MMP16: variants seen among roughly 807,000 people sequenced by gnomAD.
MMP16 encodes the protein matrix metalloproteinase-16.
Under a neutral mutation model 67.8 loss-of-function variants are expected in MMP16, and 12 were observed. The observed-to-expected ratio is 0.18, with a 90% CI of 0.11 to 0.29. The LOEUF is 0.29. MMP16 is among the 10% of genes least tolerant of loss of function. The probability of loss-of-function intolerance (pLI) is 1.00; values close to 1 mark genes in which losing one functional copy is unlikely to be tolerated. For synonymous variants in MMP16, 249 were observed against 255.9 expected (o/e 0.97, Z 0.26); for missense variants, 475 against 765.7 (o/e 0.62, Z 4.48).
At chr8:88,194,088 C>G (rs78861850) in intron 2 of MMP16, among the ~76,000 whole-genome samples, 1 of 151,984 alleles carries the variant, frequency 6.6e-6, no homozygotes, top group East Asian at 1.9e-4. Flanking sequence ...TATTATATGA[C>G]ATTTAAGGTA....
chr8:88,250,519 G>A (rs1338032442), intron 1 of MMP16, among the ~76,000 whole-genome samples: 1 of 151,910 alleles, frequency 6.6e-6, no homozygotes, highest in Non-Finnish European at 1.5e-5. Context: ...ACTATTCTTT[G>A]AGAAAGCATA....
intron 2 of MMP16, among the ~76,000 whole-genome samples, chr8:88,196,482 T>C (rs1222474446): frequency 1.3e-5 from 2 of 152,178 alleles, no homozygotes; most frequent in Non-Finnish European, 2.9e-5. Flanking sequence ...GTACATGCTT[T>C]ATCTTTCACA....
At chr8:88,226,737 G>A (rs1048088905) in intron 1 of MMP16, among the ~76,000 whole-genome samples, 5 of 151,962 alleles carry the variant, frequency 3.3e-5, no homozygotes, top group South Asian at 2.1e-4. Context: ...AGGCATGTCC[G>A]AGAGTGCTGA....
rs1223047187 is a variant in MMP16, at chr8:88,038,631, A to AT, written c.*2829dup. 6.6e-6 allele frequency: 1 copy of AT among 152,566 alleles called. No individual in the cohort carries two copies. Among genetic ancestry groups the AT allele is most frequent in the Non-Finnish European group, 1.5e-5 (1 of 67,936 alleles). 9.5% of individuals were successfully genotyped at this position (152,566 alleles called of 1,614,324 possible). On this transcript the variant is annotated 3_prime_UTR_variant, in exon 10 of 10. Transcript: ENST00000286614. The surrounding 1 kb of genome is among the most constrained non-coding windows in gnomAD (Gnocchi z 4.1). Reference sequence around the variant, plus strand: ...CTTTAGCAAAATATAGTTTCCAGTTATTTTTTTCTTGACATCAAGGCCCTA... The same window carrying AT: ...CTTTAGCAAAATATAGTTTCCAGTTATTTTTTTTCTTGACATCAAGGCCCTA...
intron 9 of MMP16, among the ~76,000 whole-genome samples, chr8:88,042,103 T>C (rs1485884168): frequency 1.3e-5 from 2 of 152,162 alleles, no homozygotes; most frequent in African/African-American, 4.8e-5. Flanking sequence ...GAGAACCTTA[T>C]CTTTTTGCTC....
intron 4 of MMP16, among the ~76,000 whole-genome samples, chr8:88,120,940 C>G (rs1807819705): frequency 6.6e-6 from 1 of 151,942 alleles, no homozygotes; most frequent in Non-Finnish European, 1.5e-5. Flanking sequence ...TTCCTAAACA[C>G]ATAGGAAGTC....
At chr8:88,197,772 G>A (rs1004214862) in intron 1 of MMP16, among the ~76,000 whole-genome samples, 6 of 152,252 alleles carry the variant, frequency 3.9e-5, no homozygotes, top group Middle Eastern at 3.4e-3. Context: ...CAGCTATGAC[G>A]TGTAGCATCT....
At chr8:88,323,452 C>A (rs539555007) in intron 1 of MMP16, among the ~76,000 whole-genome samples, 1 of 152,044 alleles carries the variant, frequency 6.6e-6, no homozygotes, top group East Asian at 1.9e-4. Context: ...CATAAAAGAC[C>A]CCTTTGAAAT....
In MMP16 at chr8:88,033,581, T is replaced by C. The variant is rs1449856557; in HGVS notation, c.*7880A>G. On this transcript the variant is annotated 3_prime_UTR_variant, in exon 10 of 10. Transcript: ENST00000286614. ...TTAAAAAGTTAAGTTTATTAAAAGT[T>C]ATATTAGCGCAAAATTGAACTAGTA... The C allele has an allele frequency of 6.6e-6, 1 of 151,986 alleles. No homozygotes were observed. The highest frequency in any genetic ancestry group is 1.5e-5 in the Non-Finnish European group (1 of 67,952). 9.4% of individuals were successfully genotyped at this position (151,986 alleles called of 1,614,324 possible).
Position 88,041,220 on chromosome 8 carries a change from A to C in MMP16, c.*241T>G, listed in dbSNP as rs1261476250. The C allele has an allele frequency of 6.3e-6, 3 of 476,228 alleles. No homozygotes were observed. Among genetic ancestry groups the C allele is most frequent in the Non-Finnish European group, 1.1e-5 (3 of 267,042 alleles). The allele number at this position is 476,228 out of a possible 1,614,324, so 29.5% of individuals were successfully genotyped here. ...TGAGCGTGCAGAGGAAAGGCCTAGA[A>C]CTGAATGACAAAGAAAGACAAAGGA... On this transcript the variant is annotated 3_prime_UTR_variant, in exon 10 of 10. Coordinates refer to ENST00000286614, the MANE Select transcript of MMP16 (RefSeq NM_005941.5). The surrounding 1 kb of genome is among the most constrained non-coding windows in gnomAD (Gnocchi z 6.0).
At chr8:88,075,133 C>A (rs1563524359) in intron 6 of MMP16, among the ~76,000 whole-genome samples, 1 of 152,086 alleles carries the variant, frequency 6.6e-6, no homozygotes, top group Non-Finnish European at 1.5e-5. Context: ...AAAATCTCCA[C>A]ACCTACCATG....
At chr8:88,167,623 AAAT>A (rs1253478690) in intron 4 of MMP16, 43 bp downstream of exon 4, 22 of 1,488,880 alleles carry the variant, frequency 1.5e-5, no homozygotes, top group Non-Finnish European at 1.9e-5. Context: ...GGTTATTCTG[AAAT>A]AATAATAGAA....
intron 6 of MMP16, among the ~76,000 whole-genome samples, chr8:88,102,803 T>C (rs777216225): frequency 1.3e-5 from 2 of 151,870 alleles, no homozygotes; most frequent in Non-Finnish European, 2.9e-5. Flanking sequence ...ATATATATTT[T>C]ATAATACCAT....
intron 8 of MMP16, among the ~76,000 whole-genome samples, chr8:88,051,460 GT>G (rs1808269813): frequency 6.6e-6 from 1 of 152,098 alleles, no homozygotes; most frequent in African/African-American, 2.4e-5. Flanking sequence ...TGATTCATCA[GT>G]TATCTCTACT....
At chr8:88,209,826 A>T (rs965758488) in intron 1 of MMP16, among the ~76,000 whole-genome samples, 3 of 152,160 alleles carry the variant, frequency 2.0e-5, no homozygotes, top group African/African-American at 7.2e-5. Flanking sequence ...ATCCCATTAC[A>T]TGTATATACC....
intron 4 of MMP16, among the ~76,000 whole-genome samples, chr8:88,147,646 A>G (rs1808315779): frequency 1.3e-5 from 2 of 151,458 alleles, no homozygotes; most frequent in South Asian, 4.1e-4. Context: ...ATTTGAATAT[A>G]TGCCACTGTC....
intron 1 of MMP16, among the ~76,000 whole-genome samples, chr8:88,249,842 G>T (rs944468004): frequency 5.9e-5 from 9 of 152,040 alleles, no homozygotes; most frequent in African/African-American, 2.2e-4. Context: ...CCAACTAGGT[G>T]TTTCTAATAT....
At chr8:88,290,138 T>C (rs1038762363) in intron 1 of MMP16, among the ~76,000 whole-genome samples, 4 of 152,290 alleles carry the variant, frequency 2.6e-5, no homozygotes, top group South Asian at 4.1e-4. Context: ...TTCATAAATA[T>C]GGAATCCACA....
intron 2 of MMP16, among the ~76,000 whole-genome samples, chr8:88,187,520 A>G (rs1393371062): frequency 6.6e-6 from 1 of 152,174 alleles, no homozygotes; most frequent in Admixed American, 6.5e-5. Context: ...ATAGTACTAC[A>G]TGGTTCAGAA....
Sources: allele counts gnomAD v4.1 joint callset (sites outside exome capture counted in the v4.1 genomes callset), GRCh38; gene constraint gnomAD v4.1.1; non-coding constraint Gnocchi (gnomAD v3.1); transcripts MANE v1.5; gene names NCBI Gene and HGNC (gene_info 2026-07-23, HGNC 2026-07-21).